PATJ: variants seen among roughly 807,000 people sequenced by gnomAD.
PATJ encodes the protein inaD-like protein.
In PATJ, 190 loss-of-function variants were observed where a neutral mutation model predicts 224.9. The observed-to-expected ratio is 0.84, with a 90% CI of 0.75 to 0.95. The LOEUF is 0.95. Among genes scored for constraint, PATJ ranks in the 40% least tolerant of loss-of-function variants. The pLI, the probability that PATJ is intolerant of heterozygous loss-of-function variation, is 0.00. For synonymous variants in PATJ, 769 were observed against 820.3 expected, an observed-to-expected ratio of 0.94 and a Z score of 1.07; for missense variants, 2,121 against 2,270.3, an observed-to-expected ratio of 0.93 and a Z score of 1.34.
chr1:62,071,367 T>C (rs559296685), intron 31 of PATJ, among the ~76,000 whole-genome samples: 2 of 152,212 alleles, frequency 1.3e-5, no homozygotes, highest in Non-Finnish European at 2.9e-5. Flanking sequence ...AGGGTGCTCA[T>C]GTATTACTTC....
chr1:61,841,917 C>G (rs1661160929), intron 17 of PATJ, among the ~76,000 whole-genome samples: 1 of 152,154 alleles, frequency 6.6e-6, no homozygotes, highest in Admixed American at 6.5e-5. Flanking sequence ...CTTCCTTTCC[C>G]TCTATGGGAA....
chr1:61,773,447 C>T (rs1300985222), intron 6 of PATJ, among the ~76,000 whole-genome samples: 2 of 152,054 alleles, frequency 1.3e-5, no homozygotes, highest in African/African-American at 4.8e-5. Flanking sequence ...GCAGGAGGGT[C>T]ATTTGAGGCC....
chr1:61,917,063 C>T (rs777112367), intron 26 of PATJ, among the ~76,000 whole-genome samples: 1 of 152,198 alleles, frequency 6.6e-6, no homozygotes, highest in Non-Finnish European at 1.5e-5. Flanking sequence ...CGTGTGGCTT[C>T]TGACTGCATG....
rs537390861 is a variant in PATJ at position 62,143,972 on chromosome 1, A to G, written c.5272-4312A>G. 1.5e-4 allele frequency among the ~76,000 whole-genome samples: 23 copies of G among 152,212 alleles called. No homozygotes were observed. In the South Asian group the frequency reaches 4.8e-3, roughly 32 times the overall value. Reference sequence around the variant, plus strand: ...ATGGGGATGGAAGCTGGAGTGGGGTAGGTTTATAAAGATGGTGGACTTCAA... The same window carrying G: ...ATGGGGATGGAAGCTGGAGTGGGGTGGGTTTATAAAGATGGTGGACTTCAA... On this transcript the variant is annotated intron_variant, in intron 41 of 43. Coordinates refer to ENST00000642238, the MANE Select transcript of PATJ (RefSeq NM_001350145.3).
In PATJ at chr1:61,864,539, A is replaced by C. The variant is rs780657057; in HGVS notation, c.2741A>C (p.His914Pro). Residue 914 changes from histidine (H) to proline (P), a missense_variant, in exon 20 of 44, where the codon CAT (histidine) becomes CCT (proline). Physicochemically the swap from His to Pro is moderately conservative, Grantham distance 77. Coordinates refer to ENST00000642238, the MANE Select transcript of PATJ (RefSeq NM_001350145.3). ...NELHFGTQWLHDNEPSESQEA... is the reference protein window; with the variant it reads ...NELHFGTQWLPDNEPSESQEA... ...CTTCACTTTGGTACACAGTGGTTGC[A>C]TGATAATGAACCATCCGAGTCTCAA... 4.3e-6 allele frequency: 7 copies of C among 1,613,552 alleles called. No homozygotes were observed. The East Asian group carries it at 1.6e-4, about 36-fold the overall frequency.
intron 41 of PATJ, among the ~76,000 whole-genome samples, chr1:62,133,406 A>G (rs372939581): frequency 3.0e-4 from 46 of 152,212 alleles, no homozygotes; most frequent in African/African-American, 1.1e-3. Flanking sequence ...ACATGGTGAA[A>G]TCCCATCTCT....
At position 61,875,288 on chromosome 1, in the gene PATJ, A is replaced by G. The variant is rs148555117; in HGVS notation, c.2881A>G (p.Thr961Ala). 4 of 1,608,540 alleles carry G rather than the reference A, an allele frequency of 2.5e-6. No individual in the cohort carries two copies. In the East Asian group the frequency reaches 8.9e-5, roughly 36 times the overall value. The change falls in exon 21 of 44, where the codon ACT (threonine) becomes GCT (alanine). Residue 961 changes from threonine (T) to alanine (A), a missense_variant. Coordinates refer to ENST00000642238, the MANE Select transcript of PATJ (RefSeq NM_001350145.3). ...VMESLPSVPSTEGNSQQGRFD... is the reference protein window; with the variant it reads ...VMESLPSVPSAEGNSQQGRFD... Reference sequence around the variant, plus strand: ...GGAGTCCCTACCATCTGTACCATCAACTGAAGGAAACAGTCAACAAGGCAG... The same window carrying G: ...GGAGTCCCTACCATCTGTACCATCAGCTGAAGGAAACAGTCAACAAGGCAG...
intron 27 of PATJ, among the ~76,000 whole-genome samples, chr1:61,946,527 ACT>A (rs1419305715): frequency 6.6e-6 from 1 of 152,128 alleles, no homozygotes; most frequent in Non-Finnish European, 1.5e-5. Context: ...GAAGAAGTTG[ACT>A]CTCTGAATAG....
intron 28 of PATJ, among the ~76,000 whole-genome samples, chr1:62,001,218 C>A (rs895269559): frequency 1.3e-5 from 2 of 151,480 alleles, no homozygotes; most frequent in South Asian, 2.1e-4. Flanking sequence ...TCAATTTTGG[C>A]TTTTGTTGCC....
At chr1:62,084,096 A>G (rs1308067095) in intron 32 of PATJ, among the ~76,000 whole-genome samples, 1 of 152,200 alleles carries the variant, frequency 6.6e-6, no homozygotes, top group East Asian at 1.9e-4. Flanking sequence ...TCTACTAAAA[A>G]TAAAAAAATT....
At chr1:61,974,856 G>A (rs1019027644) in intron 27 of PATJ, among the ~76,000 whole-genome samples, 1 of 152,092 alleles carries the variant, frequency 6.6e-6, no homozygotes, top group African/African-American at 2.4e-5. Context: ...TCTGTGACCT[G>A]TAGTGTCCTT....
In PATJ at chr1:61,888,048, T is replaced by A. The variant is rs79907701; in HGVS notation, c.3131+3640T>A. On this transcript the variant is annotated intron_variant, in intron 22 of 43. Transcript: ENST00000642238. ...TGCTTCTGCATAGCCCATATCTGAG[T>A]GGAAGGAAGAGATACAGAAAGGCCC... 4.7e-4 allele frequency among the ~76,000 whole-genome samples: 71 copies of A among 152,062 alleles called. 2 individuals carry two copies. In the East Asian group the frequency reaches 0.013, roughly 29 times the overall value.
intron 30 of PATJ, among the ~76,000 whole-genome samples, chr1:62,038,280 T>C (rs1285878316): frequency 1.3e-5 from 2 of 152,216 alleles, no homozygotes; most frequent in African/African-American, 4.8e-5. Flanking sequence ...AGGTCTCCTC[T>C]AAATATATAA....
chr1:61,869,650 C>T (rs1250641880), intron 20 of PATJ, among the ~76,000 whole-genome samples: 2 of 152,166 alleles, frequency 1.3e-5, no homozygotes, highest in African/African-American at 4.8e-5. Context: ...TCCCCTGACC[C>T]CTTTGTGGGA....
At chr1:61,920,702 C>CTTTTTTTT (rs71582652) in intron 26 of PATJ, among the ~76,000 whole-genome samples, 1 of 89,506 alleles carries the variant, frequency 1.1e-5, no homozygotes, top group Non-Finnish European at 2.1e-5. Flanking sequence ...GTATGGAATT[C>CTTTTTTTT]TTTTTTTTTT....
chr1:61,777,653 C>T (rs2148414512), intron 7 of PATJ, among the ~76,000 whole-genome samples: 1 of 149,160 alleles, frequency 6.7e-6, no homozygotes, highest in Admixed American at 6.6e-5. Context: ...GGAAGGTCTG[C>T]ATAACTGTGA....
rs7528652 is a variant in PATJ at position 61,812,047 on chromosome 1, C to G, written c.1683+3517C>G. Among the ~76,000 whole-genome samples the G allele has an allele frequency of 9.5e-3, 1,432 of 151,218 alleles. 23 individuals are homozygous for G. The highest frequency in any genetic ancestry group is 0.032 in the African/African-American group (1,323 of 41,100). ...CTGCACTCCAGCCTGGGCGACAGAGCGAGACTCCATCTCAAAAAAAAAACA... is the reference window on the plus strand; with the variant it reads ...CTGCACTCCAGCCTGGGCGACAGAGGGAGACTCCATCTCAAAAAAAAAACA... On this transcript the variant is annotated intron_variant, in intron 14 of 43. Coordinates refer to ENST00000642238, the MANE Select transcript of PATJ (RefSeq NM_001350145.3).
intron 28 of PATJ, among the ~76,000 whole-genome samples, chr1:62,014,854 T>A (rs1646677850): frequency 6.6e-6 from 1 of 152,222 alleles, no homozygotes; most frequent in Non-Finnish European, 1.5e-5. Context: ...GCTGTGAGCC[T>A]CTGCACCTGG....
chr1:62,153,563 T>A (rs1363374301), intron 43 of PATJ, 82 bp downstream of exon 43: 1 of 949,478 alleles, frequency 1.1e-6, no homozygotes, highest in African/African-American at 1.7e-5. Flanking sequence ...TTTGCTTTAC[T>A]TTGGGTCAAA....
Sources: gnomAD v4.1 joint callset for allele counts (sites outside exome capture counted in the v4.1 genomes callset) on GRCh38, gnomAD v4.1.1 for gene constraint, MANE v1.5 for transcripts, NCBI Gene and HGNC (gene_info 2026-07-23, HGNC 2026-07-21) for gene names.